Variants in SHTN1 observed in about 807,000 individuals in gnomAD.
SHTN1 encodes shootin 1.
In SHTN1, 42 loss-of-function variants were observed where a neutral mutation model predicts 83.1. The observed-to-expected ratio is 0.51, with a 90% confidence interval of 0.39 to 0.65. The LOEUF (loss-of-function observed/expected upper bound fraction) is 0.65, where lower values mean the gene tolerates loss of function less well. SHTN1 is among the 30% of genes least tolerant of loss of function. The pLI is 0.00. For synonymous variants in SHTN1, 224 were observed against 247.7 expected (o/e 0.90, Z 0.90); for missense variants, 622 against 737.8 (o/e 0.84, Z 1.82).
intron 11 of SHTN1, among the ~76,000 whole-genome samples, chr10:116,927,167 G>T (rs1848771882): frequency 6.6e-6 from 1 of 152,054 alleles, no homozygotes. Context: ...TAAAATAATT[G>T]AACAAACCAC....
chr10:116,986,303 A>C (rs992168097), intron 1 of SHTN1, among the ~76,000 whole-genome samples: 2 of 152,190 alleles, frequency 1.3e-5, no homozygotes, highest in African/African-American at 2.4e-5. Flanking sequence ...CCATCCCCAA[A>C]ACTGAAGAGA....
intron 1 of SHTN1, among the ~76,000 whole-genome samples, chr10:116,982,600 G>C (rs777905451): frequency 2.0e-5 from 3 of 152,158 alleles, no homozygotes; most frequent in Non-Finnish European, 4.4e-5. Flanking sequence ...TAAAAACTGA[G>C]CTTGCACAGC....
At chr10:117,015,823 GTTCCTATTGACTCTATAGCA>G (rs1852174049) in intron 2 of SHTN1, among the ~76,000 whole-genome samples, 1 of 152,184 alleles carries the variant, frequency 6.6e-6, no homozygotes, top group African/African-American at 2.4e-5. Context: ...TTCAGGCTGT[GTTCCTATTGACTCTATAGCA>G]TTTGAAGTTA....
At chr10:116,942,073 A>G (rs1849392589) in intron 8 of SHTN1, among the ~76,000 whole-genome samples, 2 of 152,322 alleles carry the variant, frequency 1.3e-5, no homozygotes, top group African/African-American at 2.4e-5. Context: ...GAGTATGTGC[A>G]TGTACACTTG....
At chr10:117,026,973 T>C (rs145957605) in intron 2 of SHTN1, among the ~76,000 whole-genome samples, 2 of 152,210 alleles carry the variant, frequency 1.3e-5, no homozygotes, top group Non-Finnish European at 2.9e-5. Flanking sequence ...ACAGTCCCAA[T>C]GATGTTGGCT....
At chr10:117,098,224 T>TAAA (rs34407973) in intron 1 of SHTN1, among the ~76,000 whole-genome samples, 1 of 113,452 alleles carries the variant, frequency 8.8e-6, no homozygotes. Context: ...CCGTCTCTAC[T>TAAA]AAAAAAAAAA....
Position 116,949,008 on chromosome 10 carries a change from G to T in SHTN1, c.535-11C>A. ...TTTAACTTTATTTACCTAAAAATGT[G>T]AAATTTTGAGGGGAGAAAACACCAA... On this transcript the variant is annotated splice_polypyrimidine_tract_variant and intron_variant, in intron 6 of 16. Coordinates refer to ENST00000355371, the MANE Select transcript of SHTN1 (RefSeq NM_001127211.3). 1 of 1,534,194 alleles carries T rather than the reference G, an allele frequency of 6.5e-7. No homozygotes were observed. Among genetic ancestry groups the T allele is most frequent in the South Asian group, 1.3e-5 (1 of 76,612 alleles).
At chr10:117,083,995 C>T (rs1418900416) in intron 1 of SHTN1, among the ~76,000 whole-genome samples, 5 of 151,936 alleles carry the variant, frequency 3.3e-5, no homozygotes, top group Non-Finnish European at 7.4e-5. Flanking sequence ...TTTGAATGTC[C>T]TCCCATAGCT....
At chr10:117,086,682 G>T (rs1853357526) in intron 1 of SHTN1, among the ~76,000 whole-genome samples, 2 of 152,160 alleles carry the variant, frequency 1.3e-5, no homozygotes, top group African/African-American at 2.4e-5. Flanking sequence ...AGACATTATG[G>T]AAAAGGTCAG....
intron 1 of SHTN1, among the ~76,000 whole-genome samples, chr10:116,999,643 G>A (rs1273199051): frequency 2.6e-5 from 4 of 152,156 alleles, no homozygotes; most frequent in South Asian, 2.1e-4. Flanking sequence ...AGCTGGGTGC[G>A]GTGGCTCACG....
At chr10:116,934,042 C>T (rs1456286033) in intron 9 of SHTN1, among the ~76,000 whole-genome samples, 1 of 151,772 alleles carries the variant, frequency 6.6e-6, no homozygotes, top group African/African-American at 2.4e-5. Flanking sequence ...TGTTTAAGTT[C>T]CTTGTAAATT....
intron 2 of SHTN1, among the ~76,000 whole-genome samples, chr10:117,013,930 ATT>A (rs564395757): frequency 1.3e-5 from 2 of 151,530 alleles, no homozygotes; most frequent in African/African-American, 4.9e-5. Context: ...GTATATATAT[ATT>A]TTTTTTCCAT....
intron 9 of SHTN1, among the ~76,000 whole-genome samples, chr10:116,934,409 A>G (rs963292481): frequency 2.0e-5 from 3 of 152,194 alleles, no homozygotes; most frequent in Admixed American, 6.5e-5. Flanking sequence ...TCCCAACACC[A>G]TTTATTAAAT....
intron 1 of SHTN1, among the ~76,000 whole-genome samples, chr10:117,100,013 A>G (rs1853565205): frequency 6.6e-6 from 1 of 152,016 alleles, no homozygotes; most frequent in African/African-American, 2.4e-5. Flanking sequence ...CCCCGTCTCT[A>G]CTAAAAATAT....
chr10:117,102,491 A>G (rs766202078), intron 1 of SHTN1, among the ~76,000 whole-genome samples: 25 of 152,050 alleles, frequency 1.6e-4, no homozygotes, highest in Non-Finnish European at 2.6e-4. Flanking sequence ...TTGTTAGAAA[A>G]TCCAAACCAC....
upstream of SHTN1, among the ~76,000 whole-genome samples, chr10:117,009,930 T>C (rs1471468564): frequency 1.3e-5 from 2 of 151,464 alleles, no homozygotes; most frequent in Non-Finnish European, 2.9e-5. Flanking sequence ...AAAAAACTTA[T>C]GGAATACCGT....
chr10:116,929,718 C>T, intron 10 of SHTN1, 131 bp downstream of exon 10: 3 of 526,592 alleles, frequency 5.7e-6, no homozygotes, highest in Non-Finnish European at 9.3e-6. Context: ...TAAGGAATTT[C>T]AAAACAAATC....
At chr10:117,108,214 C>T (rs1273758047) in intron 1 of SHTN1, among the ~76,000 whole-genome samples, 2 of 152,124 alleles carry the variant, frequency 1.3e-5, no homozygotes, top group African/African-American at 2.4e-5. Flanking sequence ...TGGGTATACA[C>T]CCAAAGGATT....
At chr10:117,033,650 G>A (rs1852453247) in intron 2 of SHTN1, among the ~76,000 whole-genome samples, 1 of 152,002 alleles carries the variant, frequency 6.6e-6, no homozygotes, top group Admixed American at 6.6e-5. Context: ...AGAAAATAGA[G>A]GAGGGAATAC....
Sources: allele counts gnomAD v4.1 joint callset (sites outside exome capture counted in the v4.1 genomes callset), GRCh38; gene constraint gnomAD v4.1.1; transcripts MANE v1.5; gene names NCBI Gene and HGNC (gene_info 2026-07-23, HGNC 2026-07-21).